Variants in FRMPD4 observed in about 807,000 individuals in gnomAD.
FRMPD4 encodes the protein FERM and PDZ domain containing 4, also known as FERM and PDZ domain-containing protein 4.
Under a neutral mutation model 94.1 loss-of-function variants are expected in FRMPD4, and 22 were observed. The ratio of observed to expected loss-of-function variants is 0.23; its 90% CI spans 0.17 to 0.33. The LOEUF is 0.33. FRMPD4 is among the 10% of genes least tolerant of loss of function. The pLI is 1.00. For synonymous variants in FRMPD4, 631 were observed against 548.6 expected, an observed-to-expected ratio of 1.15 and a Z score of -2.10; for missense variants, 1,111 against 1,339.9, an observed-to-expected ratio of 0.83 and a Z score of 2.67.
At chrX:12,262,083 C>T (rs1306611663) in intron 1 of FRMPD4, among the ~76,000 whole-genome samples, 1 of 110,818 alleles carries the variant, frequency 9.0e-6, no homozygotes, top group African/African-American at 3.3e-5. Flanking sequence ...AGCTAGCACA[C>T]TCTAGCCCAC....
intron 3 of FRMPD4, among the ~76,000 whole-genome samples, chrX:12,611,573 T>C (rs1200844042): frequency 2.7e-5 from 3 of 112,425 alleles, no homozygotes; most frequent in Non-Finnish European, 5.6e-5. Flanking sequence ...CTTTTATTGT[T>C]ATTGTTATTT....
At chrX:11,846,366 C>G (rs1348690995) in intron 1 of FRMPD4, among the ~76,000 whole-genome samples, 2 of 110,041 alleles carry the variant, frequency 1.8e-5, no homozygotes, top group African/African-American at 6.7e-5. Flanking sequence ...AACCACTGCT[C>G]AATGAAGTAA....
chrX:12,587,016 G>C (rs1037437708), intron 2 of FRMPD4, among the ~76,000 whole-genome samples: 2 of 107,711 alleles, frequency 1.9e-5, no homozygotes, highest in African/African-American at 6.9e-5. Flanking sequence ...TCACTCTGTC[G>C]CCCAGGCTGG....
At chrX:12,268,127 G>C (rs2054301881) in intron 1 of FRMPD4, among the ~76,000 whole-genome samples, 1 of 112,151 alleles carries the variant, frequency 8.9e-6, no homozygotes, top group African/African-American at 3.2e-5. Context: ...CCTTTAGCTA[G>C]AAGTTTGGGG....
chrX:12,118,552 C>T (rs1308479594), intron 3 of FRMPD4, among the ~76,000 whole-genome samples: 1 of 111,754 alleles, frequency 8.9e-6, no homozygotes, highest in African/African-American at 3.3e-5. Context: ...TGTGGGAACT[C>T]AATGAGAACA....
rs1188563908 is a variant in FRMPD4 at position 12,448,714 on chromosome X, C to CTATT, written c.42-49964_42-49961dup. 2.7e-5 allele frequency among the ~76,000 whole-genome samples: 3 copies of CTATT among 112,356 alleles called. No homozygotes were observed. In the Admixed American group the frequency reaches 2.8e-4, roughly 11 times the overall value. On this transcript the variant is annotated intron_variant, in intron 1 of 16. Transcript: ENST00000675598. ...CGCTTGTACTGAAATGAAGGTGCTT[C>CTATT]TATTTCATGCTCTTAACATTTACAT...
At chrX:12,531,940 A>G (rs1034572659) in intron 2 of FRMPD4, among the ~76,000 whole-genome samples, 66 of 111,585 alleles carry the variant, frequency 5.9e-4, no homozygotes, top group African/African-American at 2.1e-3. Context: ...TAGTTCTTAT[A>G]TTTAGTCCTT....
intron 1 of FRMPD4, among the ~76,000 whole-genome samples, chrX:11,838,851 T>C (rs1486673721): frequency 8.9e-6 from 1 of 111,986 alleles, no homozygotes; most frequent in Non-Finnish European, 1.9e-5. Context: ...TTCCATTGTA[T>C]GGATACACTA....
chrX:12,661,838 A>G (rs1569395410), intron 4 of FRMPD4, among the ~76,000 whole-genome samples: 1 of 111,603 alleles, frequency 9.0e-6, no homozygotes, highest in East Asian at 2.8e-4. Context: ...AAAGCAATAA[A>G]CCCCCATTTC....
At chrX:12,380,071 G>C (rs1158409311) in intron 1 of FRMPD4, among the ~76,000 whole-genome samples, 1 of 111,561 alleles carries the variant, frequency 9.0e-6, no homozygotes. Context: ...CAACCGTATG[G>C]TAACTTGGTA....
chrX:11,829,071 G>A (rs1384111835), intron 1 of FRMPD4, among the ~76,000 whole-genome samples: 1 of 112,128 alleles, frequency 8.9e-6, no homozygotes, highest in Non-Finnish European at 1.9e-5. Flanking sequence ...CAGCCTTTTT[G>A]TTCTACTCAG....
At chrX:12,313,496 G>A (rs971766521) in intron 1 of FRMPD4, among the ~76,000 whole-genome samples, 20 of 112,483 alleles carry the variant, frequency 1.8e-4, no homozygotes, top group African/African-American at 5.8e-4. Flanking sequence ...GAAAGCTGGT[G>A]GAACAATCAA....
Position 12,543,646 on chromosome X carries a change from C to A in FRMPD4, c.158+44850C>A, listed in dbSNP as rs765022548. The stretch of plus-strand genomic sequence containing the variant: ...ACTTTTACACTGTTGGTGGGACTGT[C>A]AACTAGTTCAACCATTGTGGAAGAC... On this transcript the variant is annotated intron_variant, in intron 2 of 16. Coordinates refer to ENST00000675598, the MANE Select transcript of FRMPD4 (RefSeq NM_001368397.1). Among the ~76,000 whole-genome samples, 296 of 111,780 alleles carry A rather than the reference C, an allele frequency of 2.6e-3. 1 individual carries two copies. The highest frequency in any genetic ancestry group is 7.5e-3 in the African/African-American group (230 of 30,770).
At chrX:12,675,015 A>G (rs997335316) in intron 5 of FRMPD4, 107 bp downstream of exon 5, 2 of 585,890 alleles carry the variant, frequency 3.4e-6, no homozygotes, top group African/African-American at 4.4e-5. Flanking sequence ...GAAAAATAAC[A>G]TGCACTCACA....
intron 2 of FRMPD4, among the ~76,000 whole-genome samples, chrX:12,524,610 G>A (rs1381863533): frequency 9.0e-6 from 1 of 111,660 alleles, no homozygotes; most frequent in Non-Finnish European, 1.9e-5. Context: ...TCATTAGTGT[G>A]CCTGGTGTCT....
chrX:12,365,610 C>T (rs1165629548), intron 1 of FRMPD4, among the ~76,000 whole-genome samples: 1 of 111,381 alleles, frequency 9.0e-6, no homozygotes, highest in Non-Finnish European at 1.9e-5. Context: ...GAGGTCAGAC[C>T]TCTTTCCATA....
chrX:12,569,139 C>T (rs186719132), intron 2 of FRMPD4, among the ~76,000 whole-genome samples: 24 of 111,380 alleles, frequency 2.2e-4, no homozygotes, highest in African/African-American at 1.6e-4. Flanking sequence ...GCTGACACCA[C>T]GCTCTTGGAC....
intron 3 of FRMPD4, among the ~76,000 whole-genome samples, chrX:12,087,322 C>G (rs776162741): frequency 6.0e-4 from 67 of 111,882 alleles, no homozygotes; most frequent in African/African-American, 2.1e-3. Flanking sequence ...TGGCAACAGA[C>G]TTTCCAAGCC....
At chrX:12,162,291 A>G (rs2056039290) in intron 1 of FRMPD4, among the ~76,000 whole-genome samples, 1 of 112,434 alleles carries the variant, frequency 8.9e-6, no homozygotes, top group African/African-American at 3.2e-5. Context: ...GTACCACTCA[A>G]TTAATTGAGA....
Sources: allele counts gnomAD v4.1 joint callset (sites outside exome capture counted in the v4.1 genomes callset), GRCh38; gene constraint gnomAD v4.1.1; transcripts MANE v1.5; gene names NCBI Gene and HGNC (gene_info 2026-07-23, HGNC 2026-07-21).